EXT2: variants seen among roughly 807,000 people sequenced by gnomAD.
The protein encoded by EXT2 is exostosin glycosyltransferase 2, also known as exostosin-2.
In EXT2, 53 loss-of-function variants were observed where a neutral mutation model predicts 81.6. That is an observed-to-expected ratio of 0.65 (90% CI 0.52 to 0.82). The LOEUF is 0.82. Ranked by LOEUF, EXT2 falls within the 40% of genes least tolerant of loss-of-function variation. The pLI, the probability that EXT2 is intolerant of heterozygous loss-of-function variation, is 0.00. For missense variants in EXT2, 774 were observed against 910.2 expected (o/e 0.85, Z 1.93); for synonymous variants, 320 against 340.0 (o/e 0.94, Z 0.65).
At position 44,239,689 on chromosome 11, in the gene EXT2, CTTTTTTT is replaced by C. The variant is rs397849292; in HGVS notation, c.2018+3334_2018+3340del. On this transcript the variant is annotated intron_variant, in intron 13 of 13. Coordinates refer to ENST00000533608, the MANE Select transcript of EXT2 (RefSeq NM_207122.2). ...TACAGGCATGAACCACCCTGCCTGG[CTTTTTTT>C]TTTTTTTTTTTTTTTTTTTGGAAGA... Among the ~76,000 whole-genome samples, 17 of 85,334 alleles carry C rather than the reference CTTTTTTT, an allele frequency of 2.0e-4. No individual in the cohort carries two copies. In the South Asian group the frequency reaches 4.2e-3, roughly 21 times the overall value. 56.0% of individuals were successfully genotyped at this position (85,334 alleles called of 152,430 possible). A position where few individuals can be genotyped will look rare whatever the true frequency, so the allele number is the denominator to read the frequency against.
chr11:44,134,142 G>T (rs1954532936), intron 7 of EXT2, among the ~76,000 whole-genome samples: 1 of 152,188 alleles, frequency 6.6e-6, no homozygotes, highest in African/African-American at 2.4e-5. Flanking sequence ...AGGGCTTTTT[G>T]TGGGGAAGTT....
intron 9 of EXT2, among the ~76,000 whole-genome samples, chr11:44,203,773 T>TAAA (rs5791613): frequency 0.26 from 38,832 of 151,718 alleles, 5,985 homozygotes; most frequent in Admixed American, 0.42. Flanking sequence ...GAGCAAGAAG[T>TAAA]AAAAAAGGCA....
intron 7 of EXT2, among the ~76,000 whole-genome samples, chr11:44,159,855 G>A (rs1954906287): frequency 6.6e-6 from 1 of 152,154 alleles, no homozygotes; most frequent in Non-Finnish European, 1.5e-5. Flanking sequence ...TGGCTACAGG[G>A]GACTAGAGTT....
intron 8 of EXT2, among the ~76,000 whole-genome samples, chr11:44,187,865 G>A (rs1174043496): frequency 6.6e-6 from 1 of 152,138 alleles, no homozygotes; most frequent in African/African-American, 2.4e-5. Context: ...GTCCAAAAAA[G>A]TATGTTGATT....
chr11:44,205,926 A>G (rs1433835412), intron 9 of EXT2, among the ~76,000 whole-genome samples: 1 of 152,244 alleles, frequency 6.6e-6, no homozygotes, highest in African/African-American at 2.4e-5. Context: ...TATGAATTTC[A>G]TGCTATGCTA....
intron 1 of EXT2, among the ~76,000 whole-genome samples, chr11:44,100,689 G>C (rs938194668): frequency 6.6e-6 from 1 of 152,166 alleles, no homozygotes; most frequent in African/African-American, 2.4e-5. Flanking sequence ...TCTGTTGAAG[G>C]TCGGGCCCAG....
chr11:44,172,849 C>T (rs1307997653), intron 8 of EXT2, among the ~76,000 whole-genome samples: 1 of 152,204 alleles, frequency 6.6e-6, no homozygotes, highest in Admixed American at 6.5e-5. Context: ...GCTGGGATTA[C>T]AGGCATGAGC....
At chr11:44,126,044 T>TA (rs912700466) in intron 5 of EXT2, among the ~76,000 whole-genome samples, 2 of 152,212 alleles carry the variant, frequency 1.3e-5, no homozygotes, top group Non-Finnish European at 2.9e-5. Flanking sequence ...TTGGTTTTTT[T>TA]AAAAAATCTT....
At chr11:44,212,798 T>C (rs1231780487) in intron 10 of EXT2, among the ~76,000 whole-genome samples, 1 of 152,174 alleles carries the variant, frequency 6.6e-6, no homozygotes, top group African/African-American at 2.4e-5. Flanking sequence ...AGAAGTGTTA[T>C]GCTAAGTGAA....
chr11:44,249,829 G>T lies in EXT2; in HGVS notation c.*5542G>T, dbSNP rs749932272. On this transcript the variant is annotated 3_prime_UTR_variant, in exon 14 of 14. Coordinates refer to ENST00000533608, the MANE Select transcript of EXT2 (RefSeq NM_207122.2). ...CTCATGCCTGTAATCCCAGCATTTTGGGAGGCCAAAGCGGGCAGATCATGA... is the reference window on the plus strand; with the variant it reads ...CTCATGCCTGTAATCCCAGCATTTTTGGAGGCCAAAGCGGGCAGATCATGA... Among the ~76,000 whole-genome samples, 50 of 152,148 alleles carry T rather than the reference G, an allele frequency of 3.3e-4. No homozygotes were observed. The highest frequency in any genetic ancestry group is 9.2e-4 in the Admixed American group (14 of 15,280).
At chr11:44,169,732 T>A (rs1313271686) in intron 7 of EXT2, among the ~76,000 whole-genome samples, 1 of 152,182 alleles carries the variant, frequency 6.6e-6, no homozygotes, top group Non-Finnish European at 1.5e-5. Flanking sequence ...AGATTTTTTT[T>A]TAGATTTTAG....
At chr11:44,099,637 G>A (rs920494778) in intron 1 of EXT2, among the ~76,000 whole-genome samples, 2 of 152,172 alleles carry the variant, frequency 1.3e-5, no homozygotes, top group Non-Finnish European at 2.9e-5. Flanking sequence ...ATATGCTCTG[G>A]ATTTGGTATT....
chr11:44,193,838 A>T (rs1461545960), intron 8 of EXT2, among the ~76,000 whole-genome samples: 2 of 152,130 alleles, frequency 1.3e-5, no homozygotes, highest in Non-Finnish European at 2.9e-5. Flanking sequence ...CCTATTTGGG[A>T]TGCAAGTGGG....
chr11:44,122,687 T>C (rs749800815), intron 4 of EXT2, among the ~76,000 whole-genome samples: 55 of 152,312 alleles, frequency 3.6e-4, no homozygotes, highest in Middle Eastern at 6.8e-3. Flanking sequence ...CCTGCTGGGT[T>C]GCTGTTGTAT....
rs1367466025 is a variant in EXT2, at chr11:44,097,443, A to G, written c.-31+1591A>G. Among the ~76,000 whole-genome samples the G allele has an allele frequency of 2.0e-5, 3 of 152,264 alleles. No homozygotes were observed. The East Asian group carries it at 5.8e-4, about 29-fold the overall frequency. On this transcript the variant is annotated intron_variant, in intron 1 of 13. Coordinates refer to ENST00000533608, the MANE Select transcript of EXT2 (RefSeq NM_207122.2). Reference sequence around the variant, plus strand: ...TCTGTTTTTCGGAATGGTTGGGTTAAGATCCAGTGTGGCAGTGGCCCCAGG... The same window carrying G: ...TCTGTTTTTCGGAATGGTTGGGTTAGGATCCAGTGTGGCAGTGGCCCCAGG...
chr11:44,190,823 A>AC (rs1217684640), intron 8 of EXT2, among the ~76,000 whole-genome samples: 1 of 152,170 alleles, frequency 6.6e-6, no homozygotes, highest in Non-Finnish European at 1.5e-5. Flanking sequence ...CTGTATGGTA[A>AC]CCCTAGAATG....
chr11:44,096,498 G>A (rs1328845664), intron 1 of EXT2, among the ~76,000 whole-genome samples: 1 of 151,968 alleles, frequency 6.6e-6, no homozygotes, highest in African/African-American at 2.4e-5. Context: ...GCAGGGGACT[G>A]GGTGGCCGGG....
At chr11:44,126,619 A>G (rs533509786) in intron 5 of EXT2, among the ~76,000 whole-genome samples, 197 bp from the exon 6 acceptor site, 1 of 152,368 alleles carries the variant, frequency 6.6e-6, no homozygotes, top group Non-Finnish European at 1.5e-5. Flanking sequence ...GAGTAGAAAT[A>G]TTAATACAAA....
intron 8 of EXT2, among the ~76,000 whole-genome samples, chr11:44,188,949 C>T (rs1382415947): frequency 6.6e-6 from 1 of 152,074 alleles, no homozygotes; most frequent in Non-Finnish European, 1.5e-5. Context: ...ACTAGCAGAC[C>T]ACAAGCAGGA....
Sources: gnomAD v4.1 joint callset for allele counts (sites outside exome capture counted in the v4.1 genomes callset) on GRCh38, gnomAD v4.1.1 for gene constraint, MANE v1.5 for transcripts, NCBI Gene and HGNC (gene_info 2026-07-23, HGNC 2026-07-21) for gene names.